The following PTPN9 variants were observed in gnomAD, a reference collection of about 807,000 sequenced individuals.
PTPN9 encodes the protein tyrosine-protein phosphatase non-receptor type 9.
A neutral mutation model predicts 69.8 loss-of-function variants in PTPN9; 26 were observed. The ratio of observed to expected loss-of-function variants is 0.37; its 90% CI spans 0.27 to 0.52. The LOEUF (loss-of-function observed/expected upper bound fraction) is 0.52. PTPN9 is among the 20% of genes least tolerant of loss of function. PTPN9 has a pLI of 0.91. For missense variants in PTPN9, 549 were observed against 740.3 expected, an observed-to-expected ratio of 0.74 and a Z score of 3.00; for synonymous variants, 274 against 272.5, an observed-to-expected ratio of 1.01 and a Z score of -0.05.
intron 1 of PTPN9, among the ~76,000 whole-genome samples, chr15:75,559,641 C>A (rs1303063413): frequency 6.6e-6 from 1 of 151,964 alleles, no homozygotes; most frequent in African/African-American, 2.4e-5. Context: ...CTGCGGAAGG[C>A]CGCAGGGTCC....
At chr15:75,537,841 C>T (rs1326898670) in intron 1 of PTPN9, among the ~76,000 whole-genome samples, 1 of 150,346 alleles carries the variant, frequency 6.7e-6, no homozygotes, top group Non-Finnish European at 1.5e-5. Context: ...GGCGGATCAC[C>T]TGAGGTCAGG....
intron 5 of PTPN9, chr15:75,513,396 A>T (rs1228689081): frequency 2.2e-6 from 1 of 456,056 alleles, no homozygotes; most frequent in South Asian, 1.5e-5. Flanking sequence ...TTCTCCATAG[A>T]GGAGTGCTGG....
In PTPN9 at chr15:75,539,095, AT is replaced by A. The variant is rs1219273091; in HGVS notation, c.64-11835del. ...GATAACTATAAGCAACCTTTAAAAA[AT>A]TTTTTTTTGGCCGGGCGTGGTGGCT... On this transcript the variant is annotated intron_variant, in intron 1 of 12. Transcript: ENST00000618819. Among the ~76,000 whole-genome samples the A allele has an allele frequency of 3.3e-5, 5 of 151,704 alleles. No homozygotes were observed. The East Asian group carries it at 5.8e-4, about 18-fold the overall frequency.
intron 1 of PTPN9, among the ~76,000 whole-genome samples, chr15:75,573,078 A>C (rs891392967): frequency 1.3e-5 from 2 of 152,226 alleles, no homozygotes; most frequent in Non-Finnish European, 1.5e-5. Flanking sequence ...AAATTGGCTA[A>C]TGGCTTCATG....
At chr15:75,504,465 G>A (rs1237731442) in intron 7 of PTPN9, among the ~76,000 whole-genome samples, 1 of 134,798 alleles carries the variant, frequency 7.4e-6, no homozygotes, top group Non-Finnish European at 1.6e-5. Flanking sequence ...CAGCCGCCCG[G>A]TCCGGGAGGG....
At chr15:75,507,462 A>G (rs112278385) in intron 6 of PTPN9, among the ~76,000 whole-genome samples, 29,340 of 148,464 alleles carry the variant, frequency 0.2, 3,400 homozygotes, top group Non-Finnish European at 0.26. Context: ...AAAAAAAAAA[A>G]AAAGAAAGAA....
At chr15:75,544,576 A>G (rs914399131) in intron 1 of PTPN9, among the ~76,000 whole-genome samples, 4 of 152,036 alleles carry the variant, frequency 2.6e-5, no homozygotes, top group African/African-American at 9.7e-5. Flanking sequence ...ACACAAAAAC[A>G]AGAAGCTCCT....
chr15:75,472,489 A>C (rs1034350935), intron 10 of PTPN9, among the ~76,000 whole-genome samples: 26 of 147,398 alleles, frequency 1.8e-4, no homozygotes, highest in African/African-American at 6.5e-4. Context: ...ATAAAATAAA[A>C]TAAAAATAAA....
At chr15:75,524,923 G>A (rs960908070) in intron 2 of PTPN9, among the ~76,000 whole-genome samples, 27 of 152,048 alleles carry the variant, frequency 1.8e-4, no homozygotes, top group Middle Eastern at 3.4e-3. Context: ...AGCCCCTCAG[G>A]TAGGGTATTT....
At chr15:75,571,027 A>C (rs1352511843) in intron 1 of PTPN9, among the ~76,000 whole-genome samples, 2 of 152,162 alleles carry the variant, frequency 1.3e-5, no homozygotes, top group Non-Finnish European at 2.9e-5. Flanking sequence ...TGGGAGACCA[A>C]GGCAGGTTGA....
chr15:75,561,275 A>G (rs554760102), intron 1 of PTPN9, among the ~76,000 whole-genome samples: 1 of 152,080 alleles, frequency 6.6e-6, no homozygotes, highest in East Asian at 1.9e-4. Flanking sequence ...AGATCACACC[A>G]CTGTGCTCCA....
intron 5 of PTPN9, chr15:75,513,504 C>T (rs2074853488): frequency 1.4e-5 from 6 of 428,390 alleles, no homozygotes; most frequent in South Asian, 1.0e-4. Flanking sequence ...TGGTGGATCA[C>T]ACCTGTAATC....
chr15:75,478,644 G>A (rs2074610574), intron 9 of PTPN9, among the ~76,000 whole-genome samples: 1 of 152,194 alleles, frequency 6.6e-6, no homozygotes, highest in Non-Finnish European at 1.5e-5. Context: ...TAACTTTGGA[G>A]AGTCTGAGCC....
intron 7 of PTPN9, among the ~76,000 whole-genome samples, chr15:75,493,962 T>C (rs938446176): frequency 2.6e-4 from 39 of 152,042 alleles, no homozygotes; most frequent in African/African-American, 9.4e-4. Context: ...AACTATGCCC[T>C]GGCTACTTGT....
chr15:75,496,883 A>G (rs914780483), intron 7 of PTPN9, among the ~76,000 whole-genome samples: 1 of 152,174 alleles, frequency 6.6e-6, no homozygotes, highest in African/African-American at 2.4e-5. Context: ...ACATGATTAT[A>G]GGTAATGGAA....
chr15:75,576,943 T>A (rs2075176548), intron 1 of PTPN9, among the ~76,000 whole-genome samples: 1 of 152,220 alleles, frequency 6.6e-6, no homozygotes, highest in African/African-American at 2.4e-5. Context: ...TGTTTCAATA[T>A]TTTGAAATGC....
intron 1 of PTPN9, among the ~76,000 whole-genome samples, chr15:75,537,803 A>G (rs2074991240): frequency 1.4e-5 from 2 of 146,948 alleles, no homozygotes; most frequent in South Asian, 4.3e-4. Context: ...TCACACCTGT[A>G]ATCCCAGCAC....
rs1250526505 is a variant in PTPN9, at chr15:75,473,710, A to C, written c.1187T>G (p.Leu396Trp). ...TCACCGGGTGGTCATGACAATCACC[A>C]AGACTTTTTGCTCCCATACCATGAG... ...FWLMVWEQKVLVIVMTTRFEE... is the reference protein window; with the variant it reads ...FWLMVWEQKVWVIVMTTRFEE... The change falls in exon 10 of 13, where the codon TTG (leucine) becomes TGG (tryptophan). Residue 396 changes from leucine to tryptophan, a missense_variant. Transcript: ENST00000618819. 2 of 1,582,760 alleles carry C rather than the reference A, an allele frequency of 1.3e-6. No homozygotes were observed. Among genetic ancestry groups the C allele is most frequent in the Non-Finnish European group, 1.7e-6 (2 of 1,151,590 alleles).
intron 1 of PTPN9, among the ~76,000 whole-genome samples, chr15:75,551,773 A>C (rs1334437087): frequency 6.6e-6 from 1 of 152,100 alleles, no homozygotes. Context: ...ATGGTGGCTC[A>C]TACTTGTAAT....
Sources: allele counts gnomAD v4.1 joint callset (sites outside exome capture counted in the v4.1 genomes callset), GRCh38; gene constraint gnomAD v4.1.1; transcripts MANE v1.5; gene names NCBI Gene and HGNC (gene_info 2026-07-23, HGNC 2026-07-21).